PRKCE: variants seen among roughly 807,000 people sequenced by gnomAD.
PRKCE encodes protein kinase C epsilon, also known as protein kinase C epsilon type.
Under a neutral mutation model 85.4 loss-of-function variants are expected in PRKCE, and 16 were observed. That is an observed-to-expected ratio of 0.19 (90% confidence interval 0.13 to 0.28). PRKCE has a LOEUF of 0.28. Among genes scored for constraint, PRKCE ranks in the 10% least tolerant of loss-of-function variants. The probability of loss-of-function intolerance (pLI) is 1.00; values close to 1 mark genes in which losing one functional copy is unlikely to be tolerated. For missense variants in PRKCE, 573 were observed against 975.2 expected (o/e 0.59, Z 5.49); for synonymous variants, 388 against 371.5 (o/e 1.04, Z -0.51).
chr2:46,125,581 C>G (rs1673772737), intron 11 of PRKCE, among the ~76,000 whole-genome samples: 1 of 152,192 alleles, frequency 6.6e-6, no homozygotes, highest in Admixed American at 6.5e-5. Flanking sequence ...GAGAAATGAA[C>G]TGGTCATTGA....
intron 10 of PRKCE, chr2:46,011,015 G>A (rs780881867): frequency 5.7e-6 from 7 of 1,222,176 alleles, no homozygotes; most frequent in African/African-American, 3.0e-5. Flanking sequence ...TTAATTTACC[G>A]CATAGGTGTC....
intron 1 of PRKCE, among the ~76,000 whole-genome samples, chr2:45,773,913 C>T (rs1407616126): frequency 2.0e-5 from 3 of 152,196 alleles, no homozygotes; most frequent in African/African-American, 7.2e-5. Flanking sequence ...AGGCTGCCCT[C>T]CTCGTGGAGC....
At chr2:45,698,474 T>A (rs1473934433) in intron 1 of PRKCE, among the ~76,000 whole-genome samples, 1 of 151,982 alleles carries the variant, frequency 6.6e-6, no homozygotes, top group Non-Finnish European at 1.5e-5. Context: ...ATTTTGCCCA[T>A]CTCTGCTAAT....
intron 12 of PRKCE, 134 bp from the exon 13 acceptor site, chr2:46,150,907 A>G (rs1676559831): frequency 1.4e-6 from 1 of 713,432 alleles, no homozygotes; most frequent in African/African-American, 1.8e-5. Context: ...GCTGATTTAG[A>G]ACTTCTAGGA....
intron 1 of PRKCE, among the ~76,000 whole-genome samples, chr2:45,743,576 A>G (rs374297276): frequency 7.2e-5 from 11 of 152,034 alleles, no homozygotes; most frequent in African/African-American, 2.7e-4. Context: ...AAGTTAGCTC[A>G]TCCCTTCCCA....
intron 1 of PRKCE, among the ~76,000 whole-genome samples, chr2:45,689,180 C>T (rs1022155430): frequency 2.0e-5 from 3 of 152,146 alleles, no homozygotes; most frequent in Non-Finnish European, 2.9e-5. Context: ...GTGGCACATT[C>T]GGAATAGAAT....
At chr2:46,005,018 T>G (rs1338312720) in intron 8 of PRKCE, among the ~76,000 whole-genome samples, 1 of 151,942 alleles carries the variant, frequency 6.6e-6, no homozygotes, top group African/African-American at 2.4e-5. Flanking sequence ...CTCCCTTGAG[T>G]TGAGTTTGAC....
chr2:45,715,902 C>A, intron 1 of PRKCE, among the ~76,000 whole-genome samples: 1 of 152,138 alleles, frequency 6.6e-6, no homozygotes, highest in East Asian at 1.9e-4. Context: ...TGCACTCCCC[C>A]CATGATGCCT....
intron 2 of PRKCE, among the ~76,000 whole-genome samples, chr2:45,857,805 C>T (rs1235219273): frequency 6.6e-6 from 1 of 152,090 alleles, no homozygotes; most frequent in Non-Finnish European, 1.5e-5. Flanking sequence ...GGGGCAGGGA[C>T]TGTGTTTATT....
chr2:46,168,151 AGGCCTGGGCT>A (rs1037193854), intron 14 of PRKCE, among the ~76,000 whole-genome samples: 4 of 152,138 alleles, frequency 2.6e-5, no homozygotes, highest in Admixed American at 2.6e-4. Context: ...GAAGAGTGTG[AGGCCTGGGCT>A]GGCCTGGGCT....
intron 10 of PRKCE, among the ~76,000 whole-genome samples, chr2:46,051,977 G>A (rs1330679274): frequency 2.0e-5 from 3 of 152,018 alleles, no homozygotes; most frequent in South Asian, 2.1e-4. Flanking sequence ...GGGGAAAACC[G>A]CCCCCATGAT....
chr2:46,007,789 A>C, intron 9 of PRKCE, 128 bp downstream of exon 9: 1 of 1,087,250 alleles, frequency 9.2e-7, no homozygotes, highest in South Asian at 1.6e-5. Context: ...CCTTTTTTGT[A>C]AGTGCAAATG....
intron 2 of PRKCE, among the ~76,000 whole-genome samples, chr2:45,918,961 G>T (rs1183514858): frequency 6.6e-6 from 1 of 152,232 alleles, no homozygotes; most frequent in East Asian, 1.9e-4. Flanking sequence ...TCTTCAGGGA[G>T]AGCTGGCATG....
intron 10 of PRKCE, chr2:46,073,518 G>A (rs1432746785): frequency 6.6e-6 from 1 of 152,300 alleles, no homozygotes; most frequent in Non-Finnish European, 1.5e-5. Context: ...CTTCTCGGAG[G>A]TCCTGGCTTC....
intron 8 of PRKCE, among the ~76,000 whole-genome samples, chr2:46,006,148 C>T (rs1256745988): frequency 2.0e-5 from 3 of 152,166 alleles, no homozygotes; most frequent in Non-Finnish European, 4.4e-5. Flanking sequence ...CACAGATGTC[C>T]CTCTGAGCGA....
chr2:45,897,259 T>C (rs1276373863), intron 2 of PRKCE, among the ~76,000 whole-genome samples: 1 of 152,112 alleles, frequency 6.6e-6, no homozygotes, highest in African/African-American at 2.4e-5. Context: ...CGTCCATTCA[T>C]GTAATCTTGG....
At position 46,004,565 on chromosome 2, in the gene PRKCE, G is replaced by A. The variant is rs751558767; in HGVS notation, c.990G>A (p.Pro330=). 3.5e-5 allele frequency: 56 copies of A among 1,588,528 alleles called. No homozygotes were observed. The highest frequency in any genetic ancestry group is 4.5e-5 in the Non-Finnish European group (53 of 1,174,654). ...RKKLIAGAES[P]QPASGSSPSE... ...AGCTCATTGCTGGTGCCGAGTCCCC[G>A]CAGCCTGCTTCTGGAAGCTCACCAT... Residue 330 remains proline (P), a synonymous_variant, in exon 8 of 15, where the codon CCG becomes CCA. Transcript: ENST00000306156. This position sits in a 1 kb window ranked among gnomAD's most constrained non-coding sequence, Gnocchi z 4.1.
At chr2:45,653,985 A>G (rs750163316) in intron 1 of PRKCE, among the ~76,000 whole-genome samples, 2 of 152,212 alleles carry the variant, frequency 1.3e-5, no homozygotes, top group African/African-American at 2.4e-5. Context: ...AATGCAGTGC[A>G]TATGAGAGGG....
intron 1 of PRKCE, among the ~76,000 whole-genome samples, chr2:45,722,029 T>TGG (rs1680667425): frequency 6.6e-6 from 1 of 152,006 alleles, no homozygotes; most frequent in Admixed American, 6.5e-5. Context: ...AGAGTTTCTG[T>TGG]TTATTTGGGG....
Sources: allele counts gnomAD v4.1 joint callset (sites outside exome capture counted in the v4.1 genomes callset), GRCh38; gene constraint gnomAD v4.1.1; non-coding constraint Gnocchi (gnomAD v3.1); transcripts MANE v1.5; gene names NCBI Gene and HGNC (gene_info 2026-07-23, HGNC 2026-07-21).